Variants in NKAIN2 observed in about 807,000 individuals in gnomAD.
NKAIN2 encodes sodium/potassium transporting ATPase interacting 2, also known as sodium/potassium-transporting ATPase subunit beta-1-interacting protein 2.
NKAIN2 carries 14 observed loss-of-function variants against 32.6 expected under a neutral mutation model. The observed-to-expected ratio is 0.43, with a 90% CI of 0.28 to 0.67. NKAIN2 has a LOEUF of 0.67. Among genes scored for constraint, NKAIN2 ranks in the 30% least tolerant of loss-of-function variants. The probability of loss-of-function intolerance (pLI) is 0.17; values close to 1 mark genes in which losing one functional copy is unlikely to be tolerated. For synonymous variants in NKAIN2, 80 were observed against 87.2 expected (o/e 0.92, Z 0.46); for missense variants, 198 against 258.3 (o/e 0.77, Z 1.60).
chr6:123,989,280 A>G (rs1230475671), intron 1 of NKAIN2, among the ~76,000 whole-genome samples: 1 of 152,206 alleles, frequency 6.6e-6, no homozygotes, highest in Non-Finnish European at 1.5e-5. Flanking sequence ...AAAATTTCAG[A>G]GAGGCCTAAT....
At chr6:124,678,590 G>C (rs1367620201) in intron 4 of NKAIN2, among the ~76,000 whole-genome samples, 1 of 151,904 alleles carries the variant, frequency 6.6e-6, no homozygotes, top group Non-Finnish European at 1.5e-5. Context: ...TCATCTCTTT[G>C]TTAATAATCT....
At position 123,849,949 on chromosome 6, in the gene NKAIN2, G is replaced by GTTTTTTTT. The variant is rs777466801; in HGVS notation, c.54+45700_54+45707dup. On this transcript the variant is annotated intron_variant, in intron 1 of 6. Coordinates refer to ENST00000368417, the MANE Select transcript of NKAIN2 (RefSeq NM_001040214.3). ...TGGTTTCACTCTGTAACTCAGGCTGGTTTTTTTTTTTTGTTTGTTTGTTTT... is the reference window on the plus strand; with the variant it reads ...TGGTTTCACTCTGTAACTCAGGCTGGTTTTTTTTTTTTTTTTTTTTGTTTGTTTGTTTT... Among the ~76,000 whole-genome samples, 26 of 38,672 alleles carry GTTTTTTTT rather than the reference G, an allele frequency of 6.7e-4. 2 individuals carry two copies. Among genetic ancestry groups the GTTTTTTTT allele is most frequent in the African/African-American group, 9.9e-4 (24 of 24,298 alleles). 25.4% of individuals were successfully genotyped at this position (38,672 alleles called of 152,430 possible).
intron 3 of NKAIN2, among the ~76,000 whole-genome samples, chr6:124,389,055 G>A (rs9388331): frequency 0.32 from 49,167 of 151,952 alleles, 8,924 homozygotes; most frequent in South Asian, 0.5. Flanking sequence ...TAAGGTGTCT[G>A]TAAACAGAAT....
chr6:124,127,280 A>G (rs1414563815), intron 1 of NKAIN2, among the ~76,000 whole-genome samples: 1 of 152,306 alleles, frequency 6.6e-6, no homozygotes, highest in East Asian at 1.9e-4. Flanking sequence ...GCAGACGTAC[A>G]AATGAGCTGG....
At chr6:123,938,396 TTATATATATATATA>T (rs71021471) in intron 1 of NKAIN2, among the ~76,000 whole-genome samples, 4,385 of 51,618 alleles carry the variant, frequency 0.085, 190 homozygotes, top group Non-Finnish European at 0.11. Context: ...TTTGCAAGGG[TTATATATATATATA>T]TATATATATA....
intron 4 of NKAIN2, among the ~76,000 whole-genome samples, chr6:124,789,072 G>A (rs1330987382): frequency 6.6e-6 from 1 of 151,988 alleles, no homozygotes; most frequent in Non-Finnish European, 1.5e-5. Context: ...GAATGAAAAT[G>A]AATATAATTA....
intron 3 of NKAIN2, among the ~76,000 whole-genome samples, chr6:124,401,298 G>A (rs1773614542): frequency 6.6e-6 from 1 of 152,022 alleles, no homozygotes; most frequent in Admixed American, 6.6e-5. Context: ...TTGTGCTAAT[G>A]TATACTCCTA....
intron 4 of NKAIN2, among the ~76,000 whole-genome samples, chr6:124,775,808 T>C (rs1778961230): frequency 1.3e-5 from 2 of 152,168 alleles, no homozygotes; most frequent in African/African-American, 4.8e-5. Context: ...CAGAACCCTC[T>C]TGACACTGAT....
intron 4 of NKAIN2, among the ~76,000 whole-genome samples, chr6:124,747,591 G>A (rs1777503493): frequency 6.6e-6 from 1 of 151,782 alleles, no homozygotes; most frequent in Admixed American, 6.6e-5. Flanking sequence ...AGTACAGAGG[G>A]TGAAGAAGAA....
At chr6:124,784,649 G>A (rs1034723366) in intron 4 of NKAIN2, among the ~76,000 whole-genome samples, 4 of 152,060 alleles carry the variant, frequency 2.6e-5, no homozygotes, top group South Asian at 2.1e-4. Flanking sequence ...CTGGGGTTGC[G>A]CCCACTTTGG....
At chr6:124,445,998 G>A (rs1016557436) in intron 3 of NKAIN2, among the ~76,000 whole-genome samples, 1 of 152,046 alleles carries the variant, frequency 6.6e-6, no homozygotes, top group African/African-American at 2.4e-5. Flanking sequence ...CCTTCAAAAT[G>A]GGGGAGCGGG....
intron 4 of NKAIN2, among the ~76,000 whole-genome samples, chr6:124,692,337 G>A (rs1583656742): frequency 6.6e-6 from 1 of 152,150 alleles, no homozygotes; most frequent in East Asian, 1.9e-4. Context: ...AAATCATTGA[G>A]ACAAAGTATT....
intron 1 of NKAIN2, among the ~76,000 whole-genome samples, chr6:124,172,464 C>T (rs1254167807): frequency 2.6e-5 from 4 of 152,106 alleles, no homozygotes; most frequent in Non-Finnish European, 5.9e-5. Flanking sequence ...TACCATCTTG[C>T]TCATATCAAA....
chr6:124,770,326 G>A (rs573932647), intron 4 of NKAIN2, among the ~76,000 whole-genome samples: 256 of 152,180 alleles, frequency 1.7e-3, no homozygotes, highest in Non-Finnish European at 2.7e-3. Context: ...TCTGTTTCCT[G>A]TCTGTTAGTC....
chr6:123,999,583 C>T (rs563906681), intron 1 of NKAIN2, among the ~76,000 whole-genome samples: 10 of 152,226 alleles, frequency 6.6e-5, no homozygotes, highest in Admixed American at 2.0e-4. Flanking sequence ...TTTTCACAAA[C>T]TTAAGTTTTA....
At chr6:124,008,045 A>G (rs1026947027) in intron 1 of NKAIN2, among the ~76,000 whole-genome samples, 5 of 152,168 alleles carry the variant, frequency 3.3e-5, no homozygotes, top group Non-Finnish European at 5.9e-5. Context: ...TAGAGCCTAC[A>G]GCTACTGTCT....
chr6:124,158,869 G>A (rs573178264), intron 1 of NKAIN2, among the ~76,000 whole-genome samples: 1 of 152,224 alleles, frequency 6.6e-6, no homozygotes, highest in East Asian at 1.9e-4. Context: ...CCAACACATG[G>A]CCTGTGTTTG....
intron 1 of NKAIN2, among the ~76,000 whole-genome samples, chr6:123,808,555 C>G (rs377760475): frequency 6.6e-6 from 1 of 152,194 alleles, no homozygotes; most frequent in Non-Finnish European, 1.5e-5. Flanking sequence ...GAAACTTCTT[C>G]CAGTGTCCAA....
chr6:124,335,373 A>G (rs990119926), intron 2 of NKAIN2, among the ~76,000 whole-genome samples: 1 of 152,172 alleles, frequency 6.6e-6, no homozygotes, highest in Non-Finnish European at 1.5e-5. Flanking sequence ...TTTTAAACCA[A>G]ACACAATGAA....
Sources: gnomAD v4.1 joint callset for allele counts (sites outside exome capture counted in the v4.1 genomes callset) on GRCh38, gnomAD v4.1.1 for gene constraint, MANE v1.5 for transcripts, NCBI Gene and HGNC (gene_info 2026-07-23, HGNC 2026-07-21) for gene names.